The following NFATC3 variants were observed in gnomAD, a reference collection of about 807,000 sequenced individuals.
NFATC3 encodes nuclear factor of activated T cells 3, also known as nuclear factor of activated T-cells, cytoplasmic 3.
A neutral mutation model predicts 98.6 loss-of-function variants in NFATC3; 46 were observed. The ratio of observed to expected loss-of-function variants is 0.47; its 90% CI spans 0.37 to 0.60. The LOEUF (loss-of-function observed/expected upper bound fraction) is 0.60, where lower values mean the gene tolerates loss of function less well. Among genes scored for constraint, NFATC3 ranks in the 20% least tolerant of loss-of-function variants. The probability of loss-of-function intolerance (pLI) is 0.00; values close to 1 mark genes in which losing one functional copy is unlikely to be tolerated. For synonymous variants in NFATC3, 512 were observed against 472.2 expected (o/e 1.08, Z -1.09); for missense variants, 1,256 against 1,295.5 (o/e 0.97, Z 0.47).
intron 8 of NFATC3, among the ~76,000 whole-genome samples, chr16:68,184,479 A>G (rs948423555): frequency 6.6e-6 from 1 of 152,108 alleles, no homozygotes; most frequent in African/African-American, 2.4e-5. Flanking sequence ...GGGTGATTTC[A>G]CAGTTGGACA....
chr16:68,086,288 G>A (rs965241319), intron 1 of NFATC3, among the ~76,000 whole-genome samples: 5 of 152,154 alleles, frequency 3.3e-5, no homozygotes, highest in Admixed American at 3.3e-4. Context: ...ACGTCCACTC[G>A]TGCAAGTTTA....
In NFATC3 at chr16:68,206,967, G is replaced by T. The variant is rs2041169686; in HGVS notation, c.3106+15192G>T. Among the ~76,000 whole-genome samples the T allele has an allele frequency of 2.1e-5, 3 of 145,732 alleles. No homozygotes were observed. In the Admixed American group the frequency reaches 2.1e-4, roughly 10 times the overall value. ...CATGCACTCCAACCCGGGCAACAGA[G>T]ACCCTGTCTCAAAAAAAGTTGATGA... On this transcript the variant is annotated intron_variant, in intron 9 of 9. Coordinates refer to ENST00000346183, the MANE Select transcript of NFATC3 (RefSeq NM_173165.3).
intron 3 of NFATC3, among the ~76,000 whole-genome samples, chr16:68,155,197 G>T (rs929432938): frequency 6.6e-6 from 1 of 152,284 alleles, no homozygotes; most frequent in African/African-American, 2.4e-5. Context: ...ACAAGTAGGC[G>T]GGAATAAAAC....
At chr16:68,102,460 C>T (rs2035423917) in intron 1 of NFATC3, among the ~76,000 whole-genome samples, 1 of 147,666 alleles carries the variant, frequency 6.8e-6, no homozygotes, top group Non-Finnish European at 1.5e-5. Flanking sequence ...AGTTAGATAT[C>T]ATTTTCTCTC....
Position 68,175,663 on chromosome 16 carries a change from G to T in NFATC3, c.1915+1149G>T, listed in dbSNP as rs183694201. Among the ~76,000 whole-genome samples, 13 of 151,684 alleles carry T rather than the reference G, an allele frequency of 8.6e-5. No homozygotes were observed. The Middle Eastern group carries it at 0.014, about 159-fold the overall frequency. On this transcript the variant is annotated intron_variant, in intron 6 of 9. Transcript: ENST00000346183. The stretch of plus-strand genomic sequence containing the variant: ...CAACCTCCGCCTCCTAGGTTAAAGC[G>T]ATTCTCCTGCCTCAGCCTCCCGAGT...
At chr16:68,136,468 C>T (rs974398950) in intron 3 of NFATC3, among the ~76,000 whole-genome samples, 5 of 152,174 alleles carry the variant, frequency 3.3e-5, no homozygotes, top group African/African-American at 7.2e-5. Context: ...AAGGTTTTGC[C>T]ATGTTGGGCA....
At chr16:68,138,550 G>A in intron 3 of NFATC3, 1 of 1,288,834 alleles carries the variant, frequency 7.8e-7, no homozygotes, top group Non-Finnish European at 1.0e-6. Context: ...CGTCTTTGAT[G>A]CACAGCTTCT....
chr16:68,147,325 CTACTT>C (rs2038086982), intron 3 of NFATC3, among the ~76,000 whole-genome samples: 2 of 152,242 alleles, frequency 1.3e-5, no homozygotes, highest in South Asian at 4.1e-4. Flanking sequence ...TTTTGACGAG[CTACTT>C]TAATGCCTAT....
chr16:68,096,244 G>T (rs1001957979), intron 1 of NFATC3, among the ~76,000 whole-genome samples: 2 of 152,230 alleles, frequency 1.3e-5, no homozygotes, highest in African/African-American at 4.8e-5. Context: ...GGGATTACAG[G>T]TGTGAGCCAC....
intron 3 of NFATC3, 23 bp from the exon 4 acceptor site, chr16:68,157,846 C>T (rs2038698252): frequency 6.3e-7 from 1 of 1,595,596 alleles, no homozygotes; most frequent in African/African-American, 1.3e-5. Flanking sequence ...TTGTGCTTTT[C>T]TGTGTTTCTT....
intron 9 of NFATC3, chr16:68,199,752 A>C (rs2040836139): frequency 6.7e-6 from 1 of 150,284 alleles, no homozygotes; most frequent in Non-Finnish European, 1.5e-5. Context: ...ATGCCCGGCT[A>C]ATTTTTTGTA....
Position 68,183,371 on chromosome 16 carries a change from G to A in NFATC3, c.2098+5G>A, listed in dbSNP as rs924667937. 12 of 1,610,768 alleles carry A rather than the reference G, an allele frequency of 7.4e-6. No homozygotes were observed. Among genetic ancestry groups the A allele is most frequent in the East Asian group, 4.5e-5 (2 of 44,874 alleles). On this transcript the variant is annotated splice_donor_5th_base_variant and intron_variant, in intron 8 of 9. Transcript: ENST00000346183. ...AACGTTTTACTTATACACCAGGTAC[G>A]AGGAGTCATGATGGTTTACTATAGA...
intron 1 of NFATC3, among the ~76,000 whole-genome samples, chr16:68,118,957 T>C (rs2036432881): frequency 6.6e-6 from 1 of 152,162 alleles, no homozygotes; most frequent in South Asian, 2.1e-4. Flanking sequence ...AAGCTCTGCC[T>C]CCTGGGTTCA....
chr16:68,086,936 C>G (rs578063246), intron 1 of NFATC3: 1 of 319,922 alleles, frequency 3.1e-6, no homozygotes, highest in African/African-American at 2.2e-5. Context: ...TTACGTCGAA[C>G]CACTCTTACG....
chr16:68,086,256 G>T (rs1202562649), intron 1 of NFATC3, among the ~76,000 whole-genome samples: 2 of 152,194 alleles, frequency 1.3e-5, no homozygotes, highest in East Asian at 3.8e-4. Flanking sequence ...TACTTTGCTA[G>T]AAGAGTAATG....
At chr16:68,118,155 C>T (rs1050825977) in intron 1 of NFATC3, among the ~76,000 whole-genome samples, 3 of 152,226 alleles carry the variant, frequency 2.0e-5, no homozygotes, top group Non-Finnish European at 1.5e-5. Context: ...CCCAGCCCCG[C>T]TGACTCTCTT....
intron 9 of NFATC3, among the ~76,000 whole-genome samples, chr16:68,197,034 A>AAAAT (rs561700662): frequency 0.013 from 1,916 of 152,054 alleles, 25 homozygotes; most frequent in African/African-American, 0.03. Context: ...CCATCTCAAG[A>AAAAT]AAATAAATAA....
chr16:68,142,723 A>G (rs2037821475), intron 3 of NFATC3, among the ~76,000 whole-genome samples: 1 of 151,934 alleles, frequency 6.6e-6, no homozygotes, highest in African/African-American at 2.4e-5. Flanking sequence ...ATGCCATTGC[A>G]CTTCAGCCTG....
intron 4 of NFATC3, among the ~76,000 whole-genome samples, chr16:68,158,816 G>A (rs1230792259): frequency 6.6e-6 from 1 of 152,068 alleles, no homozygotes; most frequent in African/African-American, 2.4e-5. Flanking sequence ...AACTTCCATT[G>A]GAGTCAAATC....
Sources: gnomAD v4.1 joint callset for allele counts (sites outside exome capture counted in the v4.1 genomes callset) on GRCh38, gnomAD v4.1.1 for gene constraint, MANE v1.5 for transcripts, NCBI Gene and HGNC (gene_info 2026-07-23, HGNC 2026-07-21) for gene names.